The following DPEP1 variants were observed in gnomAD, a reference collection of about 807,000 sequenced individuals.
DPEP1 encodes beta-lactamase.
Under a neutral mutation model 42.3 loss-of-function variants are expected in DPEP1, and 50 were observed. That is an observed-to-expected ratio of 1.18 (90% CI 0.94 to 1.50). The LOEUF (loss-of-function observed/expected upper bound fraction) is 1.50. Among genes scored for constraint, DPEP1 ranks in the 40% most tolerant of loss-of-function variants. The pLI is 0.00. For synonymous variants in DPEP1, 297 were observed against 234.0 expected (o/e 1.27, Z -2.46); for missense variants, 663 against 553.0 (o/e 1.20, Z -1.99).
In DPEP1 at chr16:89,613,875, G is replaced by A. The variant is rs868717888; in HGVS notation, c.-107+156G>A. Reference sequence around the variant, plus strand: ...CTTCCTGGGATTCTAGGAGGCTGAGGCCAGGTGTGTGCGGCAGGGGACGGG... The same window carrying A: ...CTTCCTGGGATTCTAGGAGGCTGAGACCAGGTGTGTGCGGCAGGGGACGGG... On this transcript the variant is annotated intron_variant, in intron 1 of 10. Transcript: ENST00000690203. 5.8e-4 allele frequency among the ~76,000 whole-genome samples: 86 copies of A among 147,470 alleles called. 1 individual carries two copies. The highest frequency in any genetic ancestry group is 1.5e-3 in the African/African-American group (63 of 41,030).
At chr16:89,617,146 C>A (rs974755441) in intron 1 of DPEP1, among the ~76,000 whole-genome samples, 1 of 152,110 alleles carries the variant, frequency 6.6e-6, no homozygotes, top group Non-Finnish European at 1.5e-5. Context: ...GGGGACAATT[C>A]TCTCTTATTA....
Position 89,637,934 on chromosome 16 carries a change from C to T in DPEP1, c.1028C>T (p.Ala343Val), listed in dbSNP as rs767308355. ...WTEAEVKGAL[A>V]DNLLRVFEAV... is the part of the protein sequence containing the mutation. ...GAGGCGGAGGTCAAGGGCGCACTGGCTGACAACCTGCTGAGGGTCTTCGAG... is the reference window on the plus strand; with the variant it reads ...GAGGCGGAGGTCAAGGGCGCACTGGTTGACAACCTGCTGAGGGTCTTCGAG... Residue 343 changes from alanine (A) to valine (V), a missense_variant, in exon 10 of 11, where the codon GCT becomes GTT. Coordinates refer to ENST00000690203, the MANE Select transcript of DPEP1 (RefSeq NM_001389466.1). 4 of 1,610,718 alleles carry T rather than the reference C, an allele frequency of 2.5e-6. No individual in the cohort carries two copies. Among genetic ancestry groups the T allele is most frequent in the Non-Finnish European group, 3.4e-6 (4 of 1,178,998 alleles).
At chr16:89,628,322 A>G (rs1478928112) in intron 1 of DPEP1, among the ~76,000 whole-genome samples, 12 of 143,148 alleles carry the variant, frequency 8.4e-5, no homozygotes, top group African/African-American at 3.1e-4. Context: ...CAATGGCGCG[A>G]TCACAGCTCA....
At chr16:89,617,699 GTTGGGCACGGTGGCTCACACCTGTAATC>G in intron 1 of DPEP1, among the ~76,000 whole-genome samples, 1 of 151,318 alleles carries the variant, frequency 6.6e-6, no homozygotes, top group East Asian at 1.9e-4. Context: ...ACTTTGGGAG[GTTGGGCACGGTGGCTCACACCTGTAATC>G]CCAGCACTTT....
At chr16:89,629,932 G>A (rs1476992729) in intron 1 of DPEP1, among the ~76,000 whole-genome samples, 3 of 152,182 alleles carry the variant, frequency 2.0e-5, no homozygotes, top group Non-Finnish European at 4.4e-5. Context: ...GGAAAGGGGT[G>A]CTTTATGAGA....
chr16:89,640,816 CAA>C (rs980655072), downstream of DPEP1, among the ~76,000 whole-genome samples: 5 of 152,172 alleles, frequency 3.3e-5, no homozygotes, highest in African/African-American at 4.8e-5. Flanking sequence ...AGACACAAGA[CAA>C]AGAGAAGAAA....
At chr16:89,622,069 G>A (rs544461106) in intron 1 of DPEP1, among the ~76,000 whole-genome samples, 12 of 152,332 alleles carry the variant, frequency 7.9e-5, no homozygotes, top group Non-Finnish European at 7.3e-5. Flanking sequence ...GCACCACCCT[G>A]TGAGGAGAGC....
In DPEP1 at chr16:89,636,041, G is replaced by A; in HGVS notation, c.237+1G>A. 1 of 1,605,778 alleles carries A rather than the reference G, an allele frequency of 6.2e-7. No individual in the cohort carries two copies. The highest frequency in any genetic ancestry group is 1.1e-5 in the South Asian group (1 of 89,962). ...GAGGGCCGGCTTTGTGGGAGGCCAG[G>A]TACCGCCTGCCCTGCCTTGTGCTTG... On this transcript the variant is annotated splice_donor_variant, in intron 3 of 10. Coordinates refer to ENST00000690203, the MANE Select transcript of DPEP1 (RefSeq NM_001389466.1). LOFTEE classifies it high-confidence loss of function.
At chr16:89,620,160 G>A (rs998658461) in intron 1 of DPEP1, among the ~76,000 whole-genome samples, 10 of 152,000 alleles carry the variant, frequency 6.6e-5, no homozygotes, top group African/African-American at 2.2e-4. Flanking sequence ...ATTGTGGCTG[G>A]GGATGGAGGG....
intron 1 of DPEP1, among the ~76,000 whole-genome samples, chr16:89,618,443 C>A (rs2151477404): frequency 6.6e-6 from 1 of 152,298 alleles, no homozygotes; most frequent in African/African-American, 2.4e-5. Flanking sequence ...GTCTCAAACT[C>A]CTGGCCTCAA....
intron 1 of DPEP1, among the ~76,000 whole-genome samples, chr16:89,629,590 TC>T (rs142793027): frequency 0.014 from 2,025 of 146,110 alleles, 48 homozygotes; most frequent in African/African-American, 0.047. Flanking sequence ...CAGCCCACTG[TC>T]CCCCAGAACC....
chr16:89,628,290 T>G (rs979768470), intron 1 of DPEP1, among the ~76,000 whole-genome samples: 2 of 137,986 alleles, frequency 1.4e-5, no homozygotes, highest in African/African-American at 5.4e-5. Flanking sequence ...AGAGATTTAC[T>G]CTTGTCGCCC....
chr16:89,636,824 A>T, intron 5 of DPEP1, 42 bp from the exon 6 acceptor site: 1 of 1,610,138 alleles, frequency 6.2e-7, no homozygotes, highest in East Asian at 2.2e-5. Context: ...GGAGGCCGAG[A>T]CCACCGCTCA....
chr16:89,624,547 T>C (rs1304373225), intron 1 of DPEP1, among the ~76,000 whole-genome samples: 1 of 151,344 alleles, frequency 6.6e-6, no homozygotes, highest in Non-Finnish European at 1.5e-5. Flanking sequence ...GTTTTTTTTT[T>C]GTTTTGAGAG....
chr16:89,637,819 T>G lies in DPEP1; in HGVS notation c.930-17T>G. The G allele has an allele frequency of 1.9e-6, 3 of 1,612,630 alleles. No homozygotes were observed. The highest frequency in any genetic ancestry group is 2.5e-6 in the Non-Finnish European group (3 of 1,179,824). On this transcript the variant is annotated splice_polypyrimidine_tract_variant and intron_variant, in intron 9 of 10. Transcript: ENST00000690203. Reference sequence around the variant, plus strand: ...TGTCCTAGTGTGGGGGCCCAGGTTCTCCTGGCCTCAACACAGGGTCCCTGA... The same window carrying G: ...TGTCCTAGTGTGGGGGCCCAGGTTCGCCTGGCCTCAACACAGGGTCCCTGA...
At chr16:89,632,616 C>G (rs1449174239) in intron 2 of DPEP1, among the ~76,000 whole-genome samples, 1 of 152,144 alleles carries the variant, frequency 6.6e-6, no homozygotes, top group Non-Finnish European at 1.5e-5. Context: ...CTTCCATATC[C>G]CAGCTAAGGG....
chr16:89,625,719 G>A (rs1597752212), intron 1 of DPEP1, among the ~76,000 whole-genome samples: 4 of 152,272 alleles, frequency 2.6e-5, no homozygotes, highest in East Asian at 3.9e-4. Context: ...AAAACCCCAC[G>A]GAAAAGACAG....
intron 1 of DPEP1, among the ~76,000 whole-genome samples, chr16:89,616,667 T>C (rs460974): frequency 0.98 from 149,164 of 152,296 alleles, 73,112 homozygotes; most frequent in East Asian, 1. Context: ...TAGCGCAGAT[T>C]GGGACGGCTG....
chr16:89,639,605 C>T (rs1278530500), downstream of DPEP1, among the ~76,000 whole-genome samples: 5 of 150,202 alleles, frequency 3.3e-5, no homozygotes, highest in Admixed American at 2.0e-4. Context: ...CACCCCTGCA[C>T]GCACACCCCC....
Sources: gnomAD v4.1 joint callset for allele counts (sites outside exome capture counted in the v4.1 genomes callset) on GRCh38, gnomAD v4.1.1 for gene constraint, MANE v1.5 for transcripts, NCBI Gene and HGNC (gene_info 2026-07-23, HGNC 2026-07-21) for gene names.